Variants in ROBO2 observed in about 807,000 individuals in gnomAD.
ROBO2 encodes the protein roundabout homolog 2.
A neutral mutation model predicts 160.8 loss-of-function variants in ROBO2; 53 were observed. The observed-to-expected ratio is 0.33, with a 90% CI of 0.26 to 0.41. ROBO2 has a LOEUF of 0.41. ROBO2 is among the 10% of genes least tolerant of loss of function. The probability of loss-of-function intolerance (pLI) is 1.00; values close to 1 mark genes in which losing one functional copy is unlikely to be tolerated. For synonymous variants in ROBO2, 664 were observed against 611.7 expected (o/e 1.09, Z -1.26); for missense variants, 1,577 against 1,722.4 (o/e 0.92, Z 1.49).
chr3:76,415,495 A>T (rs2075718670), intron 2 of ROBO2, among the ~76,000 whole-genome samples: 2 of 152,184 alleles, frequency 1.3e-5, no homozygotes, highest in Non-Finnish European at 2.9e-5. Context: ...ATAAGTACTA[A>T]ATATTTTAAT....
chr3:77,527,348 T>C lies in ROBO2; in HGVS notation c.934+4446T>C, dbSNP rs1305456413. ...CATCATGCATTCTGATAATTTTTCT[T>C]TCTTTTTTTTAATTTCTTTTTTATG... On this transcript the variant is annotated intron_variant, in intron 6 of 25. Transcript: ENST00000461745. The C allele has an allele frequency of 2.4e-6, 3 of 1,264,956 alleles. No individual in the cohort carries two copies. In the East Asian group the frequency reaches 1.7e-4, roughly 71 times the overall value. The allele number at this position is 1,264,956 out of a possible 1,614,324, so 78.4% of individuals were successfully genotyped here.
chr3:77,494,727 A>T (rs1032355162), intron 5 of ROBO2, among the ~76,000 whole-genome samples: 1 of 152,206 alleles, frequency 6.6e-6, no homozygotes, highest in African/African-American at 2.4e-5. Context: ...CATTCATTTC[A>T]AAATCTCAAT....
chr3:77,078,029 A>T (rs2068197324), intron 1 of ROBO2, among the ~76,000 whole-genome samples: 1 of 152,144 alleles, frequency 6.6e-6, no homozygotes. Context: ...AATTAATCAC[A>T]TTATTGATAT....
intron 2 of ROBO2, among the ~76,000 whole-genome samples, chr3:76,444,115 G>C (rs374010229): frequency 6.6e-6 from 1 of 151,898 alleles, no homozygotes. Context: ...ATAGGCATGC[G>C]CCACCACGCC....
At chr3:76,185,912 C>A (rs1430555403) in intron 2 of ROBO2, among the ~76,000 whole-genome samples, 1 of 147,510 alleles carries the variant, frequency 6.8e-6, no homozygotes, top group Non-Finnish European at 1.5e-5. Flanking sequence ...GGAATAGATT[C>A]ATTTCTCATT....
At chr3:77,214,290 C>G (rs530846079) in intron 2 of ROBO2, among the ~76,000 whole-genome samples, 2 of 152,090 alleles carry the variant, frequency 1.3e-5, no homozygotes, top group African/African-American at 4.8e-5. Flanking sequence ...ATATTTAGGA[C>G]AGTTAGCTCT....
chr3:75,940,400 G>T (rs1201752219), intron 2 of ROBO2, among the ~76,000 whole-genome samples: 1 of 152,102 alleles, frequency 6.6e-6, no homozygotes, highest in African/African-American at 2.4e-5. Context: ...ATGAATGGTG[G>T]GTTGGAAGTA....
At chr3:77,568,856 T>G (rs2093563316) in intron 13 of ROBO2, among the ~76,000 whole-genome samples, 1 of 152,024 alleles carries the variant, frequency 6.6e-6, no homozygotes, top group African/African-American at 2.4e-5. Context: ...CTACTCTATG[T>G]TTTTGTAGAT....
intron 2 of ROBO2, among the ~76,000 whole-genome samples, chr3:76,485,374 C>T (rs1396413672): frequency 2.0e-5 from 3 of 152,076 alleles, no homozygotes; most frequent in African/African-American, 7.2e-5. Flanking sequence ...TGCCGCTAAT[C>T]TGACAGGAGG....
chr3:76,734,412 A>G (rs2093679086), intron 2 of ROBO2, among the ~76,000 whole-genome samples: 1 of 152,194 alleles, frequency 6.6e-6, no homozygotes, highest in Admixed American at 6.5e-5. Context: ...TCTGCATATT[A>G]TTAAACTGTT....
chr3:75,999,097 G>A (rs1576429311), intron 2 of ROBO2, among the ~76,000 whole-genome samples: 2 of 152,280 alleles, frequency 1.3e-5, no homozygotes, highest in Middle Eastern at 6.8e-3. Context: ...CTTTCTAGCT[G>A]TGTGATTTGG....
At chr3:77,497,739 TA>T (rs2086991035) in intron 5 of ROBO2, among the ~76,000 whole-genome samples, 1 of 152,216 alleles carries the variant, frequency 6.6e-6, no homozygotes, top group Admixed American at 6.5e-5. Context: ...TGTCAGTATT[TA>T]TAATAAATGA....
At chr3:76,207,630 G>T (rs1702892987) in intron 2 of ROBO2, among the ~76,000 whole-genome samples, 1 of 152,134 alleles carries the variant, frequency 6.6e-6, no homozygotes, top group Admixed American at 6.5e-5. Context: ...AAAATAGATG[G>T]ATTAGACACA....
chr3:76,641,798 C>T (rs149142819), intron 2 of ROBO2, among the ~76,000 whole-genome samples: 23 of 152,238 alleles, frequency 1.5e-4, no homozygotes, highest in African/African-American at 5.1e-4. Flanking sequence ...AGTTCAGTGG[C>T]GTGATTATAG....
intron 2 of ROBO2, among the ~76,000 whole-genome samples, chr3:77,388,650 TA>T (rs1276811873): frequency 1.3e-4 from 20 of 152,332 alleles, no homozygotes; most frequent in African/African-American, 3.6e-4. Context: ...ATGATATTTT[TA>T]TGACTTCTCT....
At chr3:76,263,503 G>T (rs564922263) in intron 2 of ROBO2, among the ~76,000 whole-genome samples, 1 of 152,138 alleles carries the variant, frequency 6.6e-6, no homozygotes, top group South Asian at 2.1e-4. Flanking sequence ...GATTACAGGT[G>T]TGAGCCACCC....
chr3:76,622,187 A>AGG (rs765638700), intron 2 of ROBO2, among the ~76,000 whole-genome samples: 3 of 57,166 alleles, frequency 5.2e-5, no homozygotes, highest in Non-Finnish European at 1.1e-4. Context: ...CTACTAAAAA[A>AGG]AAGAAAGGAA....
intron 2 of ROBO2, among the ~76,000 whole-genome samples, chr3:76,468,890 T>C (rs2078501875): frequency 6.6e-6 from 1 of 152,064 alleles, no homozygotes; most frequent in African/African-American, 2.4e-5. Flanking sequence ...CACCACACAT[T>C]TCTCTCTTTA....
intron 8 of ROBO2, among the ~76,000 whole-genome samples, chr3:77,553,625 A>T (rs951495661): frequency 6.6e-6 from 1 of 151,968 alleles, no homozygotes; most frequent in Non-Finnish European, 1.5e-5. Context: ...AAAAAATGAT[A>T]AGAAAGTCAA....
Sources: allele counts gnomAD v4.1 joint callset (sites outside exome capture counted in the v4.1 genomes callset), GRCh38; gene constraint gnomAD v4.1.1; transcripts MANE v1.5; gene names NCBI Gene and HGNC (gene_info 2026-07-23, HGNC 2026-07-21).